CPN2: variants seen among roughly 807,000 people sequenced by gnomAD.
CPN2 encodes the protein carboxypeptidase N 83 kDa chain.
For synonymous variants in CPN2, 336 were observed against 318.4 expected (o/e 1.06, Z -0.59); for missense variants, 620 against 671.4 (o/e 0.92, Z 0.85).
rs1269715859 is a variant in CPN2, at chr3:194,341,855, C to T, written c.848G>A (p.Gly283Asp). ...QWNMLRVLPA[G>D]LFAHTPCLVG... The stretch of plus-strand genomic sequence containing the variant: ...CAGGCACGGGGTGTGGGCAAAGAGG[C>T]CGGCAGGCAGGACCCGAAGCATGTT... The change falls in exon 2 of 2, where the codon GGC becomes GAC. Residue 283 changes from glycine (G) to aspartate (D), a missense_variant. Physicochemically the swap from Gly to Asp is moderately conservative, Grantham distance 94. Coordinates refer to ENST00000323830, the MANE Select transcript of CPN2 (RefSeq NM_001080513.4). The T allele has an allele frequency of 1.2e-6, 2 of 1,614,040 alleles. No homozygotes were observed. The highest frequency in any genetic ancestry group is 1.7e-6 in the Non-Finnish European group (2 of 1,179,946).
Position 194,342,585 on chromosome 3 carries a change from G to A in CPN2, c.118C>T (p.Leu40Phe). The A allele has an allele frequency of 6.2e-7, 1 of 1,614,142 alleles. No individual in the cohort carries two copies. Among genetic ancestry groups the A allele is most frequent in the African/African-American group, 1.3e-5 (1 of 75,048 alleles). ...VQEVFCSDEELATVPLDIPPY... is the reference protein window; with the variant it reads ...VQEVFCSDEEFATVPLDIPPY... ...GGGATGTCCAGTGGGACGGTGGCAA[G>A]CTCCTCATCTGAGCAGAACACCTCC... The change falls in exon 2 of 2, where the codon CTT (leucine) becomes TTT (phenylalanine). Residue 40 changes from leucine to phenylalanine, a missense_variant. Physicochemically the swap from Leu to Phe is conservative, Grantham distance 22. Transcript: ENST00000323830.
chr3:194,344,837 CTG>C (rs1252409517), intron 1 of CPN2, among the ~76,000 whole-genome samples: 2 of 152,184 alleles, frequency 1.3e-5, no homozygotes, highest in African/African-American at 4.8e-5. Context: ...CCTCCTGGCT[CTG>C]TGTCCCTAGA....
chr3:194,342,935 C>T (rs914167213), intron 1 of CPN2, among the ~76,000 whole-genome samples: 26 of 152,126 alleles, frequency 1.7e-4, no homozygotes, highest in African/African-American at 6.3e-4. Flanking sequence ...CAAAAGGAGA[C>T]CATGGGCATT....
intron 1 of CPN2, among the ~76,000 whole-genome samples, chr3:194,347,372 T>C (rs891316397): frequency 6.6e-6 from 1 of 152,056 alleles, no homozygotes; most frequent in Non-Finnish European, 1.5e-5. Flanking sequence ...GAATGGGGCC[T>C]AGAACCCTGG....
intron 1 of CPN2, among the ~76,000 whole-genome samples, chr3:194,346,676 G>A (rs942671575): frequency 8.5e-5 from 13 of 152,162 alleles, no homozygotes; most frequent in Non-Finnish European, 1.5e-5. Flanking sequence ...CTACCTTCCT[G>A]ATGAGGATGT....
Position 194,342,580 on chromosome 3 carries a change from G to A in CPN2, c.123C>T (p.Ala41=), listed in dbSNP as rs1712897171. 2 of 1,614,008 alleles carry A rather than the reference G, an allele frequency of 1.2e-6. No individual in the cohort carries two copies. Among genetic ancestry groups the A allele is most frequent in the African/African-American group, 2.7e-5 (2 of 74,930 alleles). The change falls in exon 2 of 2, where the codon GCC becomes GCT. Residue 41 remains alanine, a synonymous_variant. Transcript: ENST00000323830. ...QEVFCSDEEL[A]TVPLDIPPYT... is the part of the protein sequence containing the mutation. The stretch of plus-strand genomic sequence containing the variant: ...ATGGCGGGATGTCCAGTGGGACGGT[G>A]GCAAGCTCCTCATCTGAGCAGAACA...
chr3:194,344,482 G>C (rs1169189500), intron 1 of CPN2, among the ~76,000 whole-genome samples: 1 of 152,152 alleles, frequency 6.6e-6, no homozygotes, highest in Non-Finnish European at 1.5e-5. Context: ...GGATCCTGAG[G>C]TCAGGAGTTC....
At chr3:194,344,505 G>A (rs910760022) in intron 1 of CPN2, among the ~76,000 whole-genome samples, 1 of 152,086 alleles carries the variant, frequency 6.6e-6, no homozygotes, top group Admixed American at 6.5e-5. Context: ...GATTAGCCTG[G>A]CCAAGATGGT....
chr3:194,347,665 TCCGCTGCCC>T (rs1713096974), intron 1 of CPN2, among the ~76,000 whole-genome samples: 8 of 107,678 alleles, frequency 7.4e-5, no homozygotes, highest in African/African-American at 3.5e-4. Context: ...GCCCACCCCA[TCCGCTGCCC>T]AGTTCAGCCC....
At chr3:194,349,775 CTTCTTTTTTTTTTTTT>C (rs1713195635) in intron 1 of CPN2, among the ~76,000 whole-genome samples, 1 of 83,782 alleles carries the variant, frequency 1.2e-5, no homozygotes, top group African/African-American at 4.6e-5. Context: ...TGACTACCCT[CTTCTTTTTTTTTTTTT>C]TTTTTTTTTT....
intron 1 of CPN2, among the ~76,000 whole-genome samples, chr3:194,343,224 T>C (rs1422454632): frequency 6.6e-6 from 1 of 152,154 alleles, no homozygotes; most frequent in Non-Finnish European, 1.5e-5. Context: ...ATTTCCAACG[T>C]CATGTGGACA....
Position 194,339,999 on chromosome 3 carries a change from A to G in CPN2, c.*1066T>C, listed in dbSNP as rs1712734776. On this transcript the variant is annotated 3_prime_UTR_variant, in exon 2 of 2. Coordinates refer to ENST00000323830, the MANE Select transcript of CPN2 (RefSeq NM_001080513.4). ...GTGGGTGCTTCCAGGCTGTAGGTAA[A>G]TTTAAACATTTTCTGGTTGACAATT... The G allele has an allele frequency of 6.6e-6, 1 of 152,206 alleles. No homozygotes were observed. The highest frequency in any genetic ancestry group is 1.5e-5 in the Non-Finnish European group (1 of 68,046). The allele number at this position is 152,206 out of a possible 1,614,324, so 9.4% of individuals were successfully genotyped here. A position where few individuals can be genotyped will look rare whatever the true frequency, so the allele number is the denominator to read the frequency against.
Position 194,341,839 on chromosome 3 carries a change from G to A in CPN2, c.864C>T (p.Thr288=), listed in dbSNP as rs1238993108. 1 of 1,613,956 alleles carries A rather than the reference G, an allele frequency of 6.2e-7. No homozygotes were observed. Among genetic ancestry groups the A allele is most frequent in the East Asian group, 2.2e-5 (1 of 44,882 alleles). ...TCAGAGACAGGCCAACCAGGCACGG[G>A]GTGTGGGCAAAGAGGCCGGCAGGCA... ...RVLPAGLFAH[T]PCLVGLSLTH... The change falls in exon 2 of 2, where the codon ACC becomes ACT. Residue 288 remains threonine, a synonymous_variant. Transcript: ENST00000323830.
At chr3:194,350,384 G>T (rs2108652318) in intron 1 of CPN2, among the ~76,000 whole-genome samples, 1 of 152,318 alleles carries the variant, frequency 6.6e-6, no homozygotes, top group South Asian at 2.1e-4. Context: ...AAGCACTTTA[G>T]CTCCGCCAGT....
chr3:194,351,167 G>C (rs1713253420), intron 1 of CPN2, 75 bp downstream of exon 1: 1 of 152,282 alleles, frequency 6.6e-6, no homozygotes, highest in Non-Finnish European at 1.5e-5. Flanking sequence ...CTGAAACGGG[G>C]GAGATCGCAA....
chr3:194,349,771 C>A (rs1713193433), intron 1 of CPN2, among the ~76,000 whole-genome samples: 1 of 131,792 alleles, frequency 7.6e-6, no homozygotes, highest in African/African-American at 2.9e-5. Context: ...TTCCTGACTA[C>A]CCTCTTCTTT....
rs564295823 is a variant in CPN2, at chr3:194,349,734, T to A, written c.-4+1508A>T. ...ATTTATACCCACCCTCCCAGTCCAG[T>A]GCAAGTCACACTTCCCCCATGAAGC... On this transcript the variant is annotated intron_variant, in intron 1 of 1. Coordinates refer to ENST00000323830, the MANE Select transcript of CPN2 (RefSeq NM_001080513.4). 2.1e-5 allele frequency among the ~76,000 whole-genome samples: 3 copies of A among 140,856 alleles called. No homozygotes were observed. The South Asian group carries it at 7.1e-4, about 33-fold the overall frequency. 92.4% of individuals were successfully genotyped at this position (140,856 alleles called of 152,430 possible).
intron 1 of CPN2, among the ~76,000 whole-genome samples, chr3:194,344,040 G>T (rs1360441759): frequency 6.6e-6 from 1 of 152,190 alleles, no homozygotes. Flanking sequence ...AGGGGTCCGC[G>T]AATCGGGTTC....
intron 1 of CPN2, among the ~76,000 whole-genome samples, chr3:194,349,122 A>T (rs914100565): frequency 5.9e-5 from 9 of 152,130 alleles, no homozygotes; most frequent in Non-Finnish European, 1.2e-4. Context: ...GCACTTTGGG[A>T]GGCTGAGGCG....
Sources: gnomAD v4.1 joint callset for allele counts (sites outside exome capture counted in the v4.1 genomes callset) on GRCh38, gnomAD v4.1.1 for gene constraint, MANE v1.5 for transcripts, NCBI Gene and HGNC (gene_info 2026-07-23, HGNC 2026-07-21) for gene names.